MED23: variants seen among roughly 807,000 people sequenced by gnomAD.
MED23 encodes the protein mediator complex subunit 23.
Under a neutral mutation model 163.9 loss-of-function variants are expected in MED23, and 105 were observed. The ratio of observed to expected loss-of-function variants is 0.64; its 90% CI spans 0.55 to 0.75. The LOEUF is 0.75. MED23 is among the 30% of genes least tolerant of loss of function. MED23 has a pLI of 0.00. For synonymous variants in MED23, 561 were observed against 565.6 expected (o/e 0.99, Z 0.12); for missense variants, 1,054 against 1,649.0 (o/e 0.64, Z 6.25).
intron 28 of MED23, among the ~76,000 whole-genome samples, chr6:131,588,918 C>T (rs536898077): frequency 6.6e-6 from 1 of 152,258 alleles, no homozygotes; most frequent in East Asian, 1.9e-4. Context: ...AATACCTATT[C>T]CAAATGAAAA....
intron 6 of MED23, among the ~76,000 whole-genome samples, chr6:131,621,272 T>A (rs766161557): frequency 1.1e-4 from 16 of 152,138 alleles, no homozygotes; most frequent in Admixed American, 3.9e-4. Flanking sequence ...AATAACGATA[T>A]AGTGTATACT....
rs767679334 is a variant in MED23, at chr6:131,589,616, A to C, written c.3808-20T>G. Reference sequence around the variant, plus strand: ...ACCAATCTATTTAACAAATAATGTAAAATTATTTAAGTGATCAAGTGATTC... The same window carrying C: ...ACCAATCTATTTAACAAATAATGTACAATTATTTAAGTGATCAAGTGATTC... On this transcript the variant is annotated intron_variant, in intron 27 of 28. Coordinates refer to ENST00000368068, the MANE Select transcript of MED23 (RefSeq NM_004830.4). The C allele has an allele frequency of 1.2e-6, 2 of 1,611,996 alleles. No individual in the cohort carries two copies. The highest frequency in any genetic ancestry group is 2.2e-5 in the South Asian group (2 of 91,044).
Position 131,587,160 on chromosome 6 carries a change from A to G in MED23, c.*519T>C. On this transcript the variant is annotated 3_prime_UTR_variant, in exon 29 of 29. Coordinates refer to ENST00000368068, the MANE Select transcript of MED23 (RefSeq NM_004830.4). ...AATTTCAAGTCATTTTAAAAAGAATATGAAGCCTTGTTTGCTCCTACAATG... is the reference window on the plus strand; with the variant it reads ...AATTTCAAGTCATTTTAAAAAGAATGTGAAGCCTTGTTTGCTCCTACAATG... 4.2e-6 allele frequency: 5 copies of G among 1,200,592 alleles called. No individual in the cohort carries two copies. The highest frequency in any genetic ancestry group is 5.2e-6 in the Non-Finnish European group (5 of 955,926). The allele number at this position is 1,200,592 out of a possible 1,614,324, so 74.4% of individuals were successfully genotyped here.
chr6:131,579,192 G>T, intron 30 of MED23: 2 of 1,614,074 alleles, frequency 1.2e-6, no homozygotes, highest in Non-Finnish European at 1.7e-6. Flanking sequence ...AAGAATCCAA[G>T]GTCTGTGGGA....
At chr6:131,595,324 A>C (rs1315333975) in intron 22 of MED23, among the ~76,000 whole-genome samples, 3 of 152,214 alleles carry the variant, frequency 2.0e-5, no homozygotes, top group Non-Finnish European at 4.4e-5. Context: ...GATACTAATC[A>C]CACAACTGAG....
intron 30 of MED23, chr6:131,579,371 A>G (rs1327010787): frequency 1.4e-6 from 2 of 1,472,642 alleles, no homozygotes; most frequent in African/African-American, 1.4e-5. Context: ...AGAAATATAG[A>G]CAGAAAAGCA....
chr6:131,625,432 A>G (rs1459722017), intron 3 of MED23, among the ~76,000 whole-genome samples: 1 of 152,184 alleles, frequency 6.6e-6, no homozygotes, highest in East Asian at 1.9e-4. Flanking sequence ...CCCAAACAAG[A>G]GCCCATTATG....
chr6:131,581,400 T>C lies in MED23; in HGVS notation c.4095+6309A>G, dbSNP rs145181256. 195 of 1,604,178 alleles carry C rather than the reference T, an allele frequency of 1.2e-4. 1 individual carries two copies. In the East Asian group the frequency reaches 4.3e-3, roughly 36 times the overall value. Reference sequence around the variant, plus strand: ...AAAGGTAAAAGACTGGTTGGTACTCTAGTGCAATAGAATACTTTTTAGTAG... The same window carrying C: ...AAAGGTAAAAGACTGGTTGGTACTCCAGTGCAATAGAATACTTTTTAGTAG... On this transcript the variant is annotated intron_variant, in intron 30 of 30. Coordinates refer to the MED23 transcript ENST00000354577.
At chr6:131,588,941 C>T (rs1774377624) in intron 28 of MED23, among the ~76,000 whole-genome samples, 1 of 152,158 alleles carries the variant, frequency 6.6e-6, no homozygotes, top group African/African-American at 2.4e-5. Context: ...CTCCAAAATG[C>T]TGAGGTCATA....
downstream of MED23, chr6:131,586,644 G>A: frequency 1.2e-6 from 1 of 805,342 alleles, no homozygotes; most frequent in Non-Finnish European, 1.7e-6. Flanking sequence ...GTCACCAACT[G>A]TAGTGTAGGA....
At chr6:131,607,696 A>C (rs1445396218) in intron 12 of MED23, among the ~76,000 whole-genome samples, 2 of 152,210 alleles carry the variant, frequency 1.3e-5, no homozygotes, top group Non-Finnish European at 2.9e-5. Context: ...ATAGCTATTA[A>C]TAAAGACTGT....
Position 131,603,088 on chromosome 6 carries a change from T to G in MED23, c.1873A>C (p.Ser625Arg). 1 of 1,613,974 alleles carries G rather than the reference T, an allele frequency of 6.2e-7. No individual in the cohort carries two copies. The highest frequency in any genetic ancestry group is 8.5e-7 in the Non-Finnish European group (1 of 1,179,888). ...ACTGCAGCCAAAGTATGAAGATGAC[T>G]CAGGAGCTGAACTCTGTAATGAGGC... ...IQPHYRVQLL[S>R]HLHTLAAVAQ... The change falls in exon 16 of 29, where the codon AGT (serine) becomes CGT (arginine). Residue 625 changes from serine to arginine, a missense_variant. Around this residue, in one of 11 missense-constraint regions of MED23, gnomAD observed 228 missense variants for 461.3 expected, o/e 0.49. Coordinates refer to ENST00000368068, the MANE Select transcript of MED23 (RefSeq NM_004830.4).
chr6:131,607,862 C>T, intron 12 of MED23, 66 bp downstream of exon 12: 10 of 1,560,064 alleles, frequency 6.4e-6, no homozygotes, highest in Non-Finnish European at 8.8e-6. Context: ...CACTAAAATC[C>T]TTAAACATAA....
At position 131,623,470 on chromosome 6, in the gene MED23, AAAAG is replaced by A. The variant is rs1777259025; in HGVS notation, c.285-12_285-9del. 1 of 1,609,022 alleles carries A rather than the reference AAAAG, an allele frequency of 6.2e-7. No individual in the cohort carries two copies. Among genetic ancestry groups the A allele is most frequent in the South Asian group, 1.1e-5 (1 of 90,980 alleles). The stretch of plus-strand genomic sequence containing the variant: ...AGGGATTCACAAACCAGCCTATAAA[AAAAG>A]AAATAGCCATTCCAGTTACAAGACA... On this transcript the variant is annotated splice_polypyrimidine_tract_variant and intron_variant, in intron 4 of 28. Coordinates refer to ENST00000368068, the MANE Select transcript of MED23 (RefSeq NM_004830.4).
At chr6:131,620,009 G>A (rs1470590125) in intron 7 of MED23, 113 bp from the exon 8 acceptor site, 2 of 738,894 alleles carry the variant, frequency 2.7e-6, no homozygotes, top group Non-Finnish European at 4.8e-6. Flanking sequence ...TGTAAAGATT[G>A]CACATGATAA....
At chr6:131,587,871 C>A in intron 28 of MED23, 25 bp from the exon 29 acceptor site, 1 of 1,582,676 alleles carries the variant, frequency 6.3e-7, no homozygotes, top group Non-Finnish European at 8.6e-7. Flanking sequence ...CACATTAAAA[C>A]GTACTTTAAT....
At chr6:131,586,511 G>A (rs184394461), downstream of MED23, among the ~76,000 whole-genome samples, 103 of 152,266 alleles carry the variant, frequency 6.8e-4, no homozygotes, top group African/African-American at 2.3e-3. Flanking sequence ...AATTACATGA[G>A]CTACAAAGAA....
rs1367324342 is a variant in MED23 at position 131,596,156 on chromosome 6, G to A, written c.2786C>T (p.Pro929Leu). ...TKHMNYHKKYPEKLYFEGLAE... is the reference protein window; with the variant it reads ...TKHMNYHKKYLEKLYFEGLAE... ...GAGGCCCTCAAAATACAACTTCTCTGGATATTTCTGTGGAATTGAGAAGAT... is the reference window on the plus strand; with the variant it reads ...GAGGCCCTCAAAATACAACTTCTCTAGATATTTCTGTGGAATTGAGAAGAT... Residue 929 changes from proline (P) to leucine (L), a missense_variant, in exon 22 of 29, where the codon CCA (proline) becomes CTA (leucine). Transcript: ENST00000368068. 1.9e-6 allele frequency: 3 copies of A among 1,613,488 alleles called. No homozygotes were observed. The highest frequency in any genetic ancestry group is 2.5e-6 in the Non-Finnish European group (3 of 1,179,612).
chr6:131,579,937 G>A (rs1227277891), intron 30 of MED23, among the ~76,000 whole-genome samples: 1 of 152,096 alleles, frequency 6.6e-6, no homozygotes, highest in African/African-American at 2.4e-5. Flanking sequence ...TTCATGGGAT[G>A]TGCATAAGCA....
Sources: gnomAD v4.1 joint callset for allele counts (sites outside exome capture counted in the v4.1 genomes callset) on GRCh38, gnomAD v4.1.1 for gene constraint, gnomAD v4.1.1 regional missense constraint, MANE v1.5 for transcripts, NCBI Gene and HGNC (gene_info 2026-07-23, HGNC 2026-07-21) for gene names.